SMIM22: variants seen among roughly 807,000 people sequenced by gnomAD.
SMIM22 encodes small integral membrane protein 22.
Under a neutral mutation model 8.4 loss-of-function variants are expected in SMIM22, and 16 were observed. The observed-to-expected ratio is 1.90, with a 90% CI of 1.29 to 2.89. The LOEUF (loss-of-function observed/expected upper bound fraction) is 2.89, where lower values mean the gene tolerates loss of function less well. Ranked by LOEUF, SMIM22 falls within the 30% of genes most tolerant of loss-of-function variation. SMIM22 has a pLI of 0.00. For synonymous variants in SMIM22, 67 were observed against 47.6 expected (o/e 1.41, Z -1.68); for missense variants, 159 against 107.5 (o/e 1.48, Z -2.12).
upstream of SMIM22, chr16:4,794,953 G>A (rs1019417921): frequency 1.3e-5 from 2 of 152,322 alleles, no homozygotes; most frequent in African/African-American, 2.4e-5. Context: ...TTATATCAGG[G>A]AGTTTATAGC....
upstream of SMIM22, among the ~76,000 whole-genome samples, chr16:4,793,012 G>C (rs745996451): frequency 1.7e-4 from 25 of 151,246 alleles, no homozygotes; most frequent in Non-Finnish European, 3.4e-4. Flanking sequence ...AGGAGGCTGA[G>C]GCAGGAGAAT....
At position 4,795,458 on chromosome 16, in the gene SMIM22, G is replaced by T; in HGVS notation, c.-21+9G>T. The T allele has an allele frequency of 2.1e-6, 1 of 477,836 alleles. No homozygotes were observed. The allele number at this position is 477,836 out of a possible 1,614,324, so 29.6% of individuals were successfully genotyped here. A position where few individuals can be genotyped will look rare whatever the true frequency, so the allele number is the denominator to read the frequency against. On this transcript the variant is annotated intron_variant, in intron 1 of 3. Coordinates refer to ENST00000586005, the MANE Select transcript of SMIM22 (RefSeq NM_001253794.2). The stretch of plus-strand genomic sequence containing the variant: ...TTGGAGGCTTCTAGGAGGTAGGTGG[G>T]GGCCTGGGGGCTGGGCTGCCAGGGG...
upstream of SMIM22, among the ~76,000 whole-genome samples, chr16:4,793,097 G>C (rs146178021): frequency 9.2e-6 from 1 of 109,148 alleles, no homozygotes; most frequent in Admixed American, 1.2e-4. Flanking sequence ...CAAAAAGAGC[G>C]AAACTCTGTC....
chr16:4,796,340 C>A lies in SMIM22; in HGVS notation c.*109C>A. Reference sequence around the variant, plus strand: ...GGGTGGGTGACGCGGGACTCGCCGCCCCACTCAGGTGGCCACCTGGCCTCT... The same window carrying A: ...GGGTGGGTGACGCGGGACTCGCCGCACCACTCAGGTGGCCACCTGGCCTCT... On this transcript the variant is annotated 3_prime_UTR_variant, in exon 4 of 4. Transcript: ENST00000586005. The A allele has an allele frequency of 1.5e-6, 2 of 1,347,124 alleles. No homozygotes were observed. Among genetic ancestry groups the A allele is most frequent in the Non-Finnish European group, 2.0e-6 (2 of 996,146 alleles). The allele number at this position is 1,347,124 out of a possible 1,614,324, so 83.4% of individuals were successfully genotyped here.
In SMIM22 at chr16:4,795,447, G is replaced by A; in HGVS notation, c.-23G>A. 1 of 457,174 alleles carries A rather than the reference G, an allele frequency of 2.2e-6. No homozygotes were observed. The highest frequency in any genetic ancestry group is 4.0e-6 in the Non-Finnish European group (1 of 252,584). 28.3% of individuals were successfully genotyped at this position (457,174 alleles called of 1,614,324 possible). A position where few individuals can be genotyped will look rare whatever the true frequency, so the allele number is the denominator to read the frequency against. The stretch of plus-strand genomic sequence containing the variant: ...GGTTGGGGGAATTGGAGGCTTCTAG[G>A]AGGTAGGTGGGGGCCTGGGGGCTGG... On this transcript the variant is annotated splice_region_variant and 5_prime_UTR_variant, in exon 1 of 4. Transcript: ENST00000586005.
chr16:4,794,986 G>A (rs921230261), upstream of SMIM22: 2 of 152,274 alleles, frequency 1.3e-5, no homozygotes, highest in Non-Finnish European at 2.9e-5. Context: ...TGGTACCCAC[G>A]GAGGTGCTGG....
chr16:4,791,584 A>G (rs1339709926), upstream of SMIM22, among the ~76,000 whole-genome samples: 3 of 152,242 alleles, frequency 2.0e-5, no homozygotes, highest in East Asian at 5.8e-4. Context: ...TATGGCATGC[A>G]ATCGAACCTG....
chr16:4,789,909 CTTTCTTTTT>C (rs1271902139), intron 2 of SMIM22: 1 of 132,396 alleles, frequency 7.6e-6, no homozygotes, highest in Non-Finnish European at 1.5e-5. Flanking sequence ...CCTTTCTTTT[CTTTCTTTTT>C]TTTTTTTCTT....
chr16:4,794,834 C>T (rs1201139007), upstream of SMIM22: 1 of 152,272 alleles, frequency 6.6e-6, no homozygotes, highest in Non-Finnish European at 1.5e-5. Context: ...GGTGGGATTA[C>T]AGGTGTGAGC....
upstream of SMIM22, among the ~76,000 whole-genome samples, chr16:4,792,260 G>A (rs1439408439): frequency 2.7e-5 from 4 of 150,502 alleles, no homozygotes; most frequent in South Asian, 4.2e-4. Flanking sequence ...GCGTGATCTC[G>A]GCTCACTGCA....
rs1434576844 is a variant in SMIM22 at position 4,796,266 on chromosome 16, C to A, written c.*35C>A. The stretch of plus-strand genomic sequence containing the variant: ...TCCTGCCCGGTGGCAGTAACAAAGC[C>A]TTCTGTCTGCCCAGAGCCTGAGTCT... On this transcript the variant is annotated 3_prime_UTR_variant, in exon 4 of 4. Transcript: ENST00000586005. 2 of 1,534,084 alleles carry A rather than the reference C, an allele frequency of 1.3e-6. No individual in the cohort carries two copies. The highest frequency in any genetic ancestry group is 2.4e-5 in the East Asian group (1 of 40,908).
chr16:4,794,045 C>T (rs557776533), upstream of SMIM22, among the ~76,000 whole-genome samples: 145 of 152,308 alleles, frequency 9.5e-4, no homozygotes, highest in Non-Finnish European at 1.4e-3. Context: ...AAGCGATTCT[C>T]CTGCCTCAGC....
chr16:4,794,748 G>A (rs2082606299), upstream of SMIM22, among the ~76,000 whole-genome samples: 1 of 152,184 alleles, frequency 6.6e-6, no homozygotes, highest in Non-Finnish European at 1.5e-5. Flanking sequence ...TAGAGGTGGG[G>A]TTTCGCCATG....
In SMIM22 at chr16:4,796,021, AAGCCCCAGGAAGGTG is replaced by A. The variant is rs1402333177; in HGVS notation, c.205_219del (p.Arg69_Pro73del). ...GCAGCTCCCCCGGGCCCCGCAGGGAAAGCCCCAGGAAGGTGAGCCCCTGGAAGGTGAGCCCTGCCG... is the reference window on the plus strand; with the variant it reads ...GCAGCTCCCCCGGGCCCCGCAGGGAAAGCCCCTGGAAGGTGAGCCCTGCCG... On this transcript the variant is annotated inframe_deletion, in exon 3 of 4. Coordinates refer to ENST00000586005, the MANE Select transcript of SMIM22 (RefSeq NM_001253794.2). The A allele has an allele frequency of 3.3e-6, 5 of 1,519,620 alleles. No homozygotes were observed. The highest frequency in any genetic ancestry group is 2.0e-5 in the Admixed American group (1 of 49,108). 94.1% of individuals were successfully genotyped at this position (1,519,620 alleles called of 1,614,324 possible).
At chr16:4,792,807 CAA>C (rs1247341963), upstream of SMIM22, among the ~76,000 whole-genome samples, 94 of 47,066 alleles carry the variant, frequency 2.0e-3, no homozygotes, top group African/African-American at 6.7e-3. Flanking sequence ...GACTCCGTCT[CAA>C]AAAAAAAAAA....
upstream of SMIM22, among the ~76,000 whole-genome samples, chr16:4,792,282 C>G (rs893554369): frequency 7.9e-5 from 12 of 151,608 alleles, no homozygotes; most frequent in African/African-American, 2.9e-4. Context: ...GCTCCGCCTC[C>G]CGGGTTCATG....
Position 4,796,246 on chromosome 16 carries a change from C to T in SMIM22, c.*15C>T, listed in dbSNP as rs375411283. 69 of 1,535,254 alleles carry T rather than the reference C, an allele frequency of 4.5e-5. No individual in the cohort carries two copies. Among genetic ancestry groups the T allele is most frequent in the East Asian group, 2.0e-4 (8 of 40,916 alleles). On this transcript the variant is annotated 3_prime_UTR_variant, in exon 4 of 4. Coordinates refer to ENST00000586005, the MANE Select transcript of SMIM22 (RefSeq NM_001253794.2). ...TGGAACCCTGACCCTGTGTCTCCTGCCCGGTGGCAGTAACAAAGCCTTCTG... is the reference window on the plus strand; with the variant it reads ...TGGAACCCTGACCCTGTGTCTCCTGTCCGGTGGCAGTAACAAAGCCTTCTG...
chr16:4,789,509 G>C (rs1035807895), intron 2 of SMIM22, among the ~76,000 whole-genome samples: 3 of 151,972 alleles, frequency 2.0e-5, no homozygotes, highest in Non-Finnish European at 4.4e-5. Flanking sequence ...CCTATTTTTA[G>C]TAGAGACTGG....
intron 1 of SMIM22, 133 bp downstream of exon 1, chr16:4,795,582 A>C: frequency 9.4e-7 from 1 of 1,068,474 alleles, no homozygotes; most frequent in Non-Finnish European, 1.3e-6. Flanking sequence ...CCGAGGGAGA[A>C]GTGGAGTGGG....
Sources: gnomAD v4.1 joint callset for allele counts (sites outside exome capture counted in the v4.1 genomes callset) on GRCh38, gnomAD v4.1.1 for gene constraint, MANE v1.5 for transcripts, NCBI Gene and HGNC (gene_info 2026-07-23, HGNC 2026-07-21) for gene names.